Variants in RAP1GAP2 observed in about 807,000 individuals in gnomAD.
RAP1GAP2 encodes the protein rap1 GTPase-activating protein 2.
RAP1GAP2 carries 27 observed loss-of-function variants against 95.0 expected under a neutral mutation model. That is an observed-to-expected ratio of 0.28 (90% CI 0.21 to 0.39). RAP1GAP2 has a LOEUF of 0.39. Ranked by LOEUF, RAP1GAP2 falls within the 10% of genes least tolerant of loss-of-function variation. The probability of loss-of-function intolerance (pLI) is 1.00; values close to 1 mark genes in which losing one functional copy is unlikely to be tolerated. For missense variants in RAP1GAP2, 771 were observed against 970.0 expected (o/e 0.79, Z 2.72); for synonymous variants, 373 against 380.9 (o/e 0.98, Z 0.24).
At chr17:2,757,515 C>T (rs755644934) in intron 1 of RAP1GAP2, among the ~76,000 whole-genome samples, 4 of 152,084 alleles carry the variant, frequency 2.6e-5, no homozygotes, top group Admixed American at 1.3e-4. Flanking sequence ...CCGACCACAG[C>T]GCCTGGCTCA....
At chr17:3,032,744 T>C (rs976826806) in intron 24 of RAP1GAP2, among the ~76,000 whole-genome samples, 1 of 146,740 alleles carries the variant, frequency 6.8e-6, no homozygotes, top group Admixed American at 6.8e-5. Flanking sequence ...CCAAGCCCGC[T>C]TCTGACCCAG....
intron 3 of RAP1GAP2, among the ~76,000 whole-genome samples, chr17:2,927,278 C>G (rs769382505): frequency 2.0e-5 from 3 of 151,854 alleles, no homozygotes; most frequent in East Asian, 2.0e-4. Flanking sequence ...CTCAGCCTCC[C>G]GAGTAGCTGG....
At chr17:2,986,308 A>C (rs1254548899) in intron 11 of RAP1GAP2, among the ~76,000 whole-genome samples, 1 of 152,208 alleles carries the variant, frequency 6.6e-6, no homozygotes, top group Non-Finnish European at 1.5e-5. Flanking sequence ...TCAGGTAGCT[A>C]CTATAATCAT....
chr17:2,934,531 G>C (rs575426684), intron 3 of RAP1GAP2, among the ~76,000 whole-genome samples: 6 of 152,176 alleles, frequency 3.9e-5, no homozygotes, highest in Non-Finnish European at 7.4e-5. Flanking sequence ...TTAGCCAGCT[G>C]GTAAGACACA....
At chr17:2,983,183 GT>G (rs1313256184) in intron 10 of RAP1GAP2, among the ~76,000 whole-genome samples, 2 of 152,114 alleles carry the variant, frequency 1.3e-5, no homozygotes, top group East Asian at 3.9e-4. Flanking sequence ...TTCCTGGTTT[GT>G]TCTTCCTCTC....
Position 2,842,479 on chromosome 17 carries a change from G to A in RAP1GAP2, c.80+41929G>A, listed in dbSNP as rs576323101. On this transcript the variant is annotated intron_variant, in intron 2 of 24. Transcript: ENST00000254695. ...CGGGAGGCAGAGGTTGCAGTGAGCC[G>A]AGATCGCGCTACTGCACTCCAGCCT... is the stretch of plus-strand genomic sequence containing the variant. 6.1e-5 allele frequency among the ~76,000 whole-genome samples: 9 copies of A among 146,450 alleles called. No homozygotes were observed. The South Asian group carries it at 1.5e-3, about 24-fold the overall frequency.
chr17:2,792,617 C>G (rs558005513), upstream of RAP1GAP2, among the ~76,000 whole-genome samples: 1 of 152,324 alleles, frequency 6.6e-6, no homozygotes, highest in South Asian at 2.1e-4. Context: ...CCTGGTTTCT[C>G]CAAGGTTCCT....
intron 8 of RAP1GAP2, among the ~76,000 whole-genome samples, chr17:2,976,301 T>A (rs2045117671): frequency 6.6e-6 from 1 of 151,992 alleles, no homozygotes; most frequent in Non-Finnish European, 1.5e-5. Flanking sequence ...TCACATGGAG[T>A]GGCAAAAAGT....
chr17:2,815,344 C>T (rs1336951136), intron 2 of RAP1GAP2, among the ~76,000 whole-genome samples: 1 of 152,096 alleles, frequency 6.6e-6, no homozygotes, highest in African/African-American at 2.4e-5. Flanking sequence ...AATAACAGTA[C>T]CTGCACGTGG....
intron 8 of RAP1GAP2, among the ~76,000 whole-genome samples, chr17:2,979,901 G>T (rs1404075624): frequency 1.3e-5 from 2 of 151,862 alleles, no homozygotes; most frequent in Non-Finnish European, 2.9e-5. Flanking sequence ...TGTCCTATGT[G>T]CTGTGATCTC....
At chr17:2,894,097 G>A (rs960150142) in intron 2 of RAP1GAP2, among the ~76,000 whole-genome samples, 24 of 147,764 alleles carry the variant, frequency 1.6e-4, no homozygotes, top group African/African-American at 1.5e-4. Flanking sequence ...CCAACATGGC[G>A]AAACCCCGTC....
At chr17:2,916,321 A>G (rs1295238262) in intron 3 of RAP1GAP2, among the ~76,000 whole-genome samples, 1 of 151,658 alleles carries the variant, frequency 6.6e-6, no homozygotes, top group Non-Finnish European at 1.5e-5. Context: ...GTAATTGATC[A>G]TGGCACTCTT....
chr17:2,995,408 G>A lies in RAP1GAP2; in HGVS notation c.986G>A (p.Arg329Lys). ...TCAGTGTACACAACATTCCGGGACA[G>A]GGAGATCATGTTTCACGTTTCCACA... Reference protein sequence around the residue: ...VESVYTTFRDREIMFHVSTKL... With the variant: ...VESVYTTFRDKEIMFHVSTKL... Residue 329 changes from arginine to lysine, a missense_variant, in exon 13 of 25, where the codon AGG (arginine) becomes AAG (lysine). Arg to Lys is a conservative substitution (Grantham distance 26). Coordinates refer to ENST00000254695, the MANE Select transcript of RAP1GAP2 (RefSeq NM_015085.5). The A allele has an allele frequency of 2.5e-6, 4 of 1,613,996 alleles. No homozygotes were observed. Among genetic ancestry groups the A allele is most frequent in the South Asian group, 1.1e-5 (1 of 91,086 alleles).
chr17:2,889,889 A>ATATATATATTTTTTTTT (rs1408426152), intron 2 of RAP1GAP2, among the ~76,000 whole-genome samples: 1 of 57,324 alleles, frequency 1.7e-5, no homozygotes, highest in African/African-American at 7.2e-5. Context: ...ATATATATAT[A>ATATATATATTTTTTTTT]TTTTTTTTTT....
At position 2,991,610 on chromosome 17, in the gene RAP1GAP2, C is replaced by T. The variant is rs1046670111; in HGVS notation, c.914+213C>T. Among the ~76,000 whole-genome samples the T allele has an allele frequency of 5.9e-5, 9 of 152,306 alleles. No homozygotes were observed. The East Asian group carries it at 1.4e-3, about 23-fold the overall frequency. Reference sequence around the variant, plus strand: ...AGATTCCCCTGAAGGCGTTCACGTTCGGCCCTGGGCCCCGCCCCAGATGTG... The same window carrying T: ...AGATTCCCCTGAAGGCGTTCACGTTTGGCCCTGGGCCCCGCCCCAGATGTG... On this transcript the variant is annotated intron_variant, in intron 12 of 24. Coordinates refer to ENST00000254695, the MANE Select transcript of RAP1GAP2 (RefSeq NM_015085.5).
At chr17:2,992,027 A>G (rs1411960904) in intron 12 of RAP1GAP2, among the ~76,000 whole-genome samples, 1 of 152,074 alleles carries the variant, frequency 6.6e-6, no homozygotes, top group African/African-American at 2.4e-5. Flanking sequence ...CAGCCTCCCA[A>G]AGTGCTAGGA....
intron 2 of RAP1GAP2, among the ~76,000 whole-genome samples, chr17:2,858,012 A>G (rs2072218281): frequency 6.6e-6 from 1 of 152,138 alleles, no homozygotes; most frequent in African/African-American, 2.4e-5. Flanking sequence ...AGGCAGGACA[A>G]CTGCTTGAAC....
rs1043521102 is a variant in RAP1GAP2 at position 2,843,682 on chromosome 17, G to T, written c.80+43132G>T. Reference sequence around the variant, plus strand: ...GGGTGGGGCGGGGTGGGGCTGAGATGGTTTCCGTCCAGGTTCTCCAAGAAA... The same window carrying T: ...GGGTGGGGCGGGGTGGGGCTGAGATTGTTTCCGTCCAGGTTCTCCAAGAAA... On this transcript the variant is annotated intron_variant, in intron 2 of 24. Coordinates refer to ENST00000254695, the MANE Select transcript of RAP1GAP2 (RefSeq NM_015085.5). 5.9e-5 allele frequency among the ~76,000 whole-genome samples: 9 copies of T among 152,226 alleles called. No individual in the cohort carries two copies. The East Asian group carries it at 1.5e-3, about 26-fold the overall frequency.
intron 21 of RAP1GAP2, 73 bp downstream of exon 21, chr17:3,026,537 G>T: frequency 8.3e-7 from 1 of 1,211,796 alleles, no homozygotes; most frequent in South Asian, 1.5e-5. Flanking sequence ...CATTAAAACG[G>T]CACTGTGGAT....
Sources: allele counts gnomAD v4.1 joint callset (sites outside exome capture counted in the v4.1 genomes callset), GRCh38; gene constraint gnomAD v4.1.1; transcripts MANE v1.5; gene names NCBI Gene and HGNC (gene_info 2026-07-23, HGNC 2026-07-21).